SPDL1: variants seen among roughly 807,000 people sequenced by gnomAD.
The protein encoded by SPDL1 is spindle apparatus coiled-coil protein 1.
Under a neutral mutation model 79.5 loss-of-function variants are expected in SPDL1, and 85 were observed. The ratio of observed to expected loss-of-function variants is 1.07; its 90% confidence interval spans 0.90 to 1.28. The LOEUF is 1.28. Ranked by LOEUF, SPDL1 falls within the 50% of genes most tolerant of loss-of-function variation. The pLI is 0.00. For synonymous variants in SPDL1, 269 were observed against 240.3 expected (o/e 1.12, Z -1.10); for missense variants, 703 against 697.8 (o/e 1.01, Z -0.08).
At position 169,596,944 on chromosome 5, in the gene SPDL1, A is replaced by G. The variant is rs1490362303; in HGVS notation, c.1032+243A>G. ...TTCTATATTTATTAGTTGGAATTTT[A>G]GTAAAGGGACAGAAAAGAAAAATCT... On this transcript the variant is annotated intron_variant, in intron 8 of 11. Coordinates refer to ENST00000265295, the MANE Select transcript of SPDL1 (RefSeq NM_017785.5). 2.0e-5 allele frequency among the ~76,000 whole-genome samples: 3 copies of G among 152,260 alleles called. No individual in the cohort carries two copies. The East Asian group carries it at 5.8e-4, about 29-fold the overall frequency.
In SPDL1 at chr5:169,604,202, C is replaced by T; in HGVS notation, c.1813C>T (p.Gln605Ter). 1 of 1,581,306 alleles carries T rather than the reference C, an allele frequency of 6.3e-7. No homozygotes were observed. The highest frequency in any genetic ancestry group is 1.2e-5 in the South Asian group (1 of 84,606). The change falls in exon 12 of 12, where the codon CAG becomes TAG. Residue 605 changes from glutamine to a stop codon, truncating the protein, a stop_gained. Transcript: ENST00000265295. LOFTEE classifies it high-confidence loss of function. Reference protein sequence around the residue: ...KSTPETQCPQQ With the variant: ...KSTPETQCPQ ...TACTCCAGAGACCCAGTGCCCTCAACAGTAAAGACTTGTCTTTAATAAGAG... is the reference window on the plus strand; with the variant it reads ...TACTCCAGAGACCCAGTGCCCTCAATAGTAAAGACTTGTCTTTAATAAGAG...
In SPDL1 at chr5:169,588,403, AAAAAG is replaced by A. The variant is rs1463260397; in HGVS notation, c.-6_-2del. 23 of 1,589,736 alleles carry A rather than the reference AAAAAG, an allele frequency of 1.4e-5. 1 individual carries two copies. The highest frequency in any genetic ancestry group is 3.4e-4 in the Middle Eastern group (2 of 5,922). Reference sequence around the variant, plus strand: ...TTTCCTCTATTTACAGTTGGCTAAAAAAAAGAAAAGAACATGGAGGCAGATATAAT... The same window carrying A: ...TTTCCTCTATTTACAGTTGGCTAAAAAAAAGAACATGGAGGCAGATATAAT... On this transcript the variant is annotated 5_prime_UTR_variant, in exon 2 of 12. Coordinates refer to ENST00000265295, the MANE Select transcript of SPDL1 (RefSeq NM_017785.5).
intron 9 of SPDL1, 137 bp from the exon 10 acceptor site, chr5:169,598,835 A>C: frequency 8.3e-7 from 1 of 1,206,610 alleles, no homozygotes; most frequent in Non-Finnish European, 1.1e-6. Context: ...TAAATTGTTT[A>C]TTGTTTCTTT....
chr5:169,601,911 T>A (rs185035094), intron 11 of SPDL1: 16 of 459,434 alleles, frequency 3.5e-5, no homozygotes, highest in Admixed American at 1.7e-4. Flanking sequence ...GTTTTATCAG[T>A]TTGAATACAT....
intron 2 of SPDL1, among the ~76,000 whole-genome samples, chr5:169,589,517 A>G (rs1755158940): frequency 6.7e-6 from 1 of 149,932 alleles, no homozygotes; most frequent in Non-Finnish European, 1.5e-5. Context: ...CTTGTTCTTG[A>G]CTATACTGGT....
In SPDL1 at chr5:169,583,825, A is replaced by C. The variant is rs1754829948; in HGVS notation, c.-88A>C. Reference sequence around the variant, plus strand: ...CGGCGACTGTGGAGTTAGCGTCCTCAATGTGGACGCCCTGAGCTCCCATTA... The same window carrying C: ...CGGCGACTGTGGAGTTAGCGTCCTCCATGTGGACGCCCTGAGCTCCCATTA... On this transcript the variant is annotated 5_prime_UTR_variant, in exon 1 of 12. Transcript: ENST00000265295. The C allele has an allele frequency of 6.6e-6, 1 of 152,294 alleles. No individual in the cohort carries two copies. Among genetic ancestry groups the C allele is most frequent in the African/African-American group, 2.4e-5 (1 of 41,468 alleles). The allele number at this position is 152,294 out of a possible 1,614,324, so 9.4% of individuals were successfully genotyped here.
rs1475487778 is a variant in SPDL1 at position 169,596,590 on chromosome 5, AG to A, written c.924del (p.Ser309LeufsTer22). 1 of 1,611,980 alleles carries A rather than the reference AG, an allele frequency of 6.2e-7. No individual in the cohort carries two copies. The stretch of plus-strand genomic sequence containing the variant: ...AAATTGCCACGTTGCTACAGATGAA[AG>A]GGTCTCAAACTGAATTTGAGCAGCA... ...LQIATLLQMK[G>X]SQTEFEQQER... On this transcript the variant is annotated frameshift_variant, in exon 8 of 12. Coordinates refer to ENST00000265295, the MANE Select transcript of SPDL1 (RefSeq NM_017785.5). LOFTEE classifies it high-confidence loss of function.
At chr5:169,586,034 G>A (rs1461592915) in intron 1 of SPDL1, 1 of 152,176 alleles carries the variant, frequency 6.6e-6, no homozygotes, top group East Asian at 1.9e-4. Flanking sequence ...TACAAACACT[G>A]TTATTTTTTT....
chr5:169,587,766 T>C (rs1755061587), intron 1 of SPDL1, among the ~76,000 whole-genome samples: 1 of 152,218 alleles, frequency 6.6e-6, no homozygotes. Context: ...CTCAAGACAG[T>C]GTCTTGCTCT....
At chr5:169,592,585 C>G (rs1308961951) in intron 3 of SPDL1, among the ~76,000 whole-genome samples, 1 of 151,976 alleles carries the variant, frequency 6.6e-6, no homozygotes, top group Non-Finnish European at 1.5e-5. Flanking sequence ...TCTAAATATA[C>G]CTTCATGTAA....
intron 11 of SPDL1, among the ~76,000 whole-genome samples, chr5:169,602,890 T>C (rs1047793609): frequency 6.6e-6 from 1 of 152,236 alleles, no homozygotes; most frequent in Non-Finnish European, 1.5e-5. Context: ...TGATGCATTG[T>C]ATAAACATCC....
intron 1 of SPDL1, among the ~76,000 whole-genome samples, chr5:169,586,616 A>G (rs1178741241): frequency 2.0e-5 from 3 of 152,228 alleles, no homozygotes; most frequent in African/African-American, 7.2e-5. Flanking sequence ...GCTGATGGCA[A>G]TTCCATTTTA....
intron 2 of SPDL1, among the ~76,000 whole-genome samples, chr5:169,590,401 T>C (rs1277832527): frequency 6.6e-6 from 1 of 152,240 alleles, no homozygotes; most frequent in East Asian, 1.9e-4. Context: ...GTTAATACTC[T>C]TTGTCTTCCT....
chr5:169,593,694 T>A (rs1457942423), intron 4 of SPDL1, 146 bp downstream of exon 4: 1 of 683,758 alleles, frequency 1.5e-6, no homozygotes, highest in Non-Finnish European at 2.3e-6. Flanking sequence ...AAAAAATGGG[T>A]TTTTTTTAGG....
chr5:169,593,442 C>T lies in SPDL1; in HGVS notation c.425C>T (p.Ser142Phe), dbSNP rs778844369. ...HQVDHQKELL[S>F]CKSEELRVMS... is the part of the protein sequence containing the mutation. ...GTAGATCATCAGAAGGAACTCCTCT[C>T]TTGTAAATCAGAGGAACTGCGCGTA... The change falls in exon 4 of 12, where the codon TCT (serine) becomes TTT (phenylalanine). Residue 142 changes from serine (S) to phenylalanine (F), a missense_variant. By Grantham distance (155) the Ser-to-Phe change is radical. Transcript: ENST00000265295. 7 of 1,613,898 alleles carry T rather than the reference C, an allele frequency of 4.3e-6. No homozygotes were observed. The highest frequency in any genetic ancestry group is 1.1e-5 in the South Asian group (1 of 91,072).
intron 2 of SPDL1, 46 bp from the exon 3 acceptor site, chr5:169,591,002 T>G: frequency 6.7e-7 from 1 of 1,498,458 alleles, no homozygotes; most frequent in Non-Finnish European, 9.2e-7. Context: ...TGTAATGGCT[T>G]TAGGCTATTT....
In SPDL1 at chr5:169,601,467, A is replaced by C. The variant is rs1333205013; in HGVS notation, c.1512A>C (p.Ser504=). Residue 504 remains serine, a synonymous_variant, in exon 11 of 12, where the codon TCA becomes TCC. Transcript: ENST00000265295. ...LEDNNLQLEK[S]VSIYTPVVSL... is the part of the protein sequence containing the mutation. ...ATAACAACTTGCAATTAGAAAAATCAGTTTCTATATACACACCAGTAGTCA... is the reference window on the plus strand; with the variant it reads ...ATAACAACTTGCAATTAGAAAAATCCGTTTCTATATACACACCAGTAGTCA... 1.2e-6 allele frequency: 2 copies of C among 1,614,156 alleles called. No homozygotes were observed. The highest frequency in any genetic ancestry group is 1.7e-5 in the Admixed American group (1 of 60,022).
chr5:169,590,801 C>T, intron 2 of SPDL1: 1 of 535,216 alleles, frequency 1.9e-6, no homozygotes, highest in Non-Finnish European at 3.6e-6. Context: ...GCACATTTTA[C>T]TTCCTTGACA....
rs1344106621 is a variant in SPDL1 at position 169,601,293 on chromosome 5, G to A, written c.1338G>A (p.Val446=). 2.5e-6 allele frequency: 4 copies of A among 1,609,854 alleles called. No homozygotes were observed. The highest frequency in any genetic ancestry group is 1.1e-5 in the South Asian group (1 of 90,846). Residue 446 remains valine (V), a synonymous_variant, in exon 11 of 12, where the codon GTG becomes GTA. Transcript: ENST00000265295. ...LKYEPEETVE[V]PVLKKRREVL... is the part of the protein sequence containing the mutation. Reference sequence around the variant, plus strand: ...TTTTATTCTCAGAGACAGTTGAAGTGCCTGTACTGAAAAAGAGGCGTGAGG... The same window carrying A: ...TTTTATTCTCAGAGACAGTTGAAGTACCTGTACTGAAAAAGAGGCGTGAGG...
Sources: allele counts gnomAD v4.1 joint callset (sites outside exome capture counted in the v4.1 genomes callset), GRCh38; gene constraint gnomAD v4.1.1; transcripts MANE v1.5; gene names NCBI Gene and HGNC (gene_info 2026-07-23, HGNC 2026-07-21).